Variants in CLEC2D observed in about 807,000 individuals in gnomAD.
The protein encoded by CLEC2D is C-type lectin related f.
A neutral mutation model predicts 20.0 loss-of-function variants in CLEC2D; 16 were observed. The observed-to-expected ratio is 0.80, with a 90% confidence interval of 0.54 to 1.22. The LOEUF (loss-of-function observed/expected upper bound fraction) is 1.22. CLEC2D is among the 50% of genes most tolerant of loss of function. The pLI is 0.00. For missense variants in CLEC2D, 207 were observed against 221.5 expected (o/e 0.93, Z 0.42); for synonymous variants, 77 against 71.1 (o/e 1.08, Z -0.42).
At chr12:9,687,446 C>T (rs868586100) in intron 2 of CLEC2D, among the ~76,000 whole-genome samples, 13 of 152,264 alleles carry the variant, frequency 8.5e-5, no homozygotes, top group Middle Eastern at 3.4e-3. Flanking sequence ...CTTACTCATT[C>T]GCTGCTTACC....
chr12:9,687,851 CA>C, intron 2 of CLEC2D, 50 bp from the exon 3 acceptor site: 4 of 1,120,080 alleles, frequency 3.6e-6, no homozygotes, highest in Non-Finnish European at 4.9e-6. Flanking sequence ...TTATACAATA[CA>C]ATATAAAAGT....
chr12:9,678,599 G>A (rs1394086652), intron 1 of CLEC2D, among the ~76,000 whole-genome samples: 2 of 152,090 alleles, frequency 1.3e-5, no homozygotes, highest in Non-Finnish European at 2.9e-5. Context: ...GAGTGTGGTG[G>A]TATAATCATA....
At chr12:9,685,474 G>T (rs746932788) in intron 2 of CLEC2D, among the ~76,000 whole-genome samples, 3 of 152,348 alleles carry the variant, frequency 2.0e-5, no homozygotes, top group African/African-American at 7.2e-5. Context: ...GTCCCAGGGA[G>T]ATAAGAGTTT....
intron 2 of CLEC2D, among the ~76,000 whole-genome samples, chr12:9,685,227 G>T (rs1865723611): frequency 6.6e-6 from 1 of 152,198 alleles, no homozygotes; most frequent in South Asian, 2.1e-4. Flanking sequence ...ATCCCAGAGG[G>T]GCACGCACCA....
intron 1 of CLEC2D, among the ~76,000 whole-genome samples, chr12:9,671,335 C>T (rs1048188663): frequency 6.6e-6 from 1 of 152,162 alleles, no homozygotes; most frequent in East Asian, 1.9e-4. Flanking sequence ...GCCATTCTGC[C>T]TCAGCCTCCT....
chr12:9,671,093 C>A (rs1408694148), intron 1 of CLEC2D, among the ~76,000 whole-genome samples: 1 of 152,102 alleles, frequency 6.6e-6, no homozygotes, highest in Non-Finnish European at 1.5e-5. Flanking sequence ...GAACCATATA[C>A]TTCTGCAATT....
intron 2 of CLEC2D, among the ~76,000 whole-genome samples, chr12:9,685,573 A>G (rs1340317283): frequency 6.6e-6 from 1 of 152,224 alleles, no homozygotes; most frequent in African/African-American, 2.4e-5. Context: ...GTCCGGCTGC[A>G]GTGGCTTTGC....
intron 1 of CLEC2D, 30 bp from the exon 2 acceptor site, chr12:9,680,893 G>T (rs1435164123): frequency 1.8e-6 from 2 of 1,098,706 alleles, no homozygotes; most frequent in Non-Finnish European, 2.8e-6. Context: ...GTATTTAATT[G>T]TTAAAATGTT....
In CLEC2D at chr12:9,696,416, A is replaced by G. The variant is rs777489516; in HGVS notation, c.*1542A>G. ...TGCCTGTTTAGTTTTTAAAGATGGA[A>G]CTCCACCCTTTGCTTGGTTTTAAGT... On this transcript the variant is annotated 3_prime_UTR_variant, in exon 5 of 5. Coordinates refer to ENST00000290855, the MANE Select transcript of CLEC2D (RefSeq NM_013269.6). The G allele has an allele frequency of 1.1e-5, 5 of 468,410 alleles. No individual in the cohort carries two copies. Among genetic ancestry groups the G allele is most frequent in the South Asian group, 1.1e-4 (5 of 47,052 alleles). 29.0% of individuals were successfully genotyped at this position (468,410 alleles called of 1,614,324 possible).
rs867930470 is a variant in CLEC2D at position 9,698,771 on chromosome 12, G to A, written c.*3897G>A. ...CAAACTATTGTTGGGGCTCAGAAAC[G>A]GATACCCTAACATATAGTGATTTGA... On this transcript the variant is annotated 3_prime_UTR_variant, in exon 5 of 5. Transcript: ENST00000290855. 3.3e-5 allele frequency: 5 copies of A among 152,276 alleles called. No homozygotes were observed. Among genetic ancestry groups the A allele is most frequent in the Admixed American group, 3.3e-4 (5 of 15,280 alleles). The allele number at this position is 152,276 out of a possible 1,614,324, so 9.4% of individuals were successfully genotyped here.
intron 3 of CLEC2D, among the ~76,000 whole-genome samples, chr12:9,689,136 G>A (rs11052431): frequency 0.06 from 9,131 of 152,308 alleles, 319 homozygotes; most frequent in Non-Finnish European, 0.084. Context: ...GGCTATCATT[G>A]CATCAGTCCT....
intron 3 of CLEC2D, among the ~76,000 whole-genome samples, chr12:9,688,877 CT>C (rs1252297824): frequency 6.6e-6 from 1 of 152,104 alleles, no homozygotes; most frequent in African/African-American, 2.4e-5. Context: ...TAGTTAAACA[CT>C]GGAAGCATCA....
At chr12:9,671,312 C>T (rs752326855) in intron 1 of CLEC2D, among the ~76,000 whole-genome samples, 2 of 152,314 alleles carry the variant, frequency 1.3e-5, no homozygotes, top group Admixed American at 6.5e-5. Context: ...CAAGCCCCGC[C>T]TCCTGGGTTC....
chr12:9,688,897 GTT>G (rs1469401083), intron 3 of CLEC2D, among the ~76,000 whole-genome samples: 4 of 152,190 alleles, frequency 2.6e-5, no homozygotes, highest in Non-Finnish European at 5.9e-5. Context: ...CAAGGGAAGA[GTT>G]TGATAAAGAG....
chr12:9,679,165 A>T (rs1175430465), intron 1 of CLEC2D, among the ~76,000 whole-genome samples: 1 of 152,162 alleles, frequency 6.6e-6, no homozygotes, highest in Non-Finnish European at 1.5e-5. Flanking sequence ...AGCACACATA[A>T]TTAAATATAT....
chr12:9,685,631 C>G (rs987669799), intron 2 of CLEC2D, among the ~76,000 whole-genome samples: 1 of 152,104 alleles, frequency 6.6e-6, no homozygotes, highest in South Asian at 2.1e-4. Flanking sequence ...GTCCGAACTT[C>G]CCCCAGGGCT....
chr12:9,695,583 C>G lies in CLEC2D; in HGVS notation c.*709C>G. The G allele has an allele frequency of 6.6e-7, 1 of 1,517,246 alleles. No homozygotes were observed. Among genetic ancestry groups the G allele is most frequent in the Non-Finnish European group, 9.0e-7 (1 of 1,107,340 alleles). The allele number at this position is 1,517,246 out of a possible 1,614,324, so 94.0% of individuals were successfully genotyped here. On this transcript the variant is annotated 3_prime_UTR_variant, in exon 5 of 5. Transcript: ENST00000290855. ...TTGTTGAAGCAGAGGCCATGAATGA[C>G]GAAGGCAGTCCAATTAAAGTAACAC...
intron 3 of CLEC2D, 104 bp downstream of exon 3, chr12:9,688,190 ATT>A (rs71045286): frequency 0.061 from 46,286 of 764,198 alleles, no homozygotes; most frequent in East Asian, 0.096. Flanking sequence ...TTTTACATTG[ATT>A]TTTTTTTTTT....
intron 2 of CLEC2D, 22 bp downstream of exon 2, chr12:9,681,055 T>C: frequency 1.7e-6 from 2 of 1,179,512 alleles, no homozygotes; most frequent in South Asian, 2.5e-5. Context: ...GTAATCTTTA[T>C]TCATCTAGAG....
Sources: gnomAD v4.1 joint callset for allele counts (sites outside exome capture counted in the v4.1 genomes callset) on GRCh38, gnomAD v4.1.1 for gene constraint, MANE v1.5 for transcripts, NCBI Gene and HGNC (gene_info 2026-07-23, HGNC 2026-07-21) for gene names.